Variants in CNTN4 observed in about 807,000 individuals in gnomAD.
CNTN4 encodes contactin 4.
CNTN4 carries 77 observed loss-of-function variants against 122.5 expected under a neutral mutation model. That is an observed-to-expected ratio of 0.63 (90% CI 0.52 to 0.76). The LOEUF is 0.76. Ranked by LOEUF, CNTN4 falls within the 30% of genes least tolerant of loss-of-function variation. The probability of loss-of-function intolerance (pLI) is 0.00; values close to 1 mark genes in which losing one functional copy is unlikely to be tolerated. For synonymous variants in CNTN4, 512 were observed against 447.0 expected, an observed-to-expected ratio of 1.15 and a Z score of -1.83; for missense variants, 1,256 against 1,259.1, an observed-to-expected ratio of 1.00 and a Z score of 0.04.
chr3:2,220,426 T>C (rs1481664554), intron 2 of CNTN4, among the ~76,000 whole-genome samples: 2 of 152,150 alleles, frequency 1.3e-5, no homozygotes, highest in Non-Finnish European at 2.9e-5. Context: ...GTACATTAAA[T>C]GAGTAAGTTT....
At chr3:2,969,135 C>G (rs1354063533) in intron 13 of CNTN4, among the ~76,000 whole-genome samples, 2 of 152,138 alleles carry the variant, frequency 1.3e-5, no homozygotes, top group African/African-American at 4.8e-5. Flanking sequence ...CTGAAAATTT[C>G]AGGGTTTGCT....
At position 3,057,610 on chromosome 3, in the gene CNTN4, A is replaced by G. The variant is rs968074620; in HGVS notation, c.*1390A>G. On this transcript the variant is annotated 3_prime_UTR_variant, in exon 25 of 25. Transcript: ENST00000418658. The stretch of plus-strand genomic sequence containing the variant: ...CTTTCTCAGAGAACTCAAATTTGCT[A>G]TAGTTTGTCATTTTTGCTTACAAAT... 1.3e-5 allele frequency: 2 copies of G among 152,608 alleles called. No homozygotes were observed. The highest frequency in any genetic ancestry group is 4.8e-5 in the African/African-American group (2 of 41,454). The allele number at this position is 152,608 out of a possible 1,614,324, so 9.5% of individuals were successfully genotyped here. A position where few individuals can be genotyped will look rare whatever the true frequency, so the allele number is the denominator to read the frequency against.
At chr3:2,122,150 A>G (rs573637538) in intron 2 of CNTN4, among the ~76,000 whole-genome samples, 61 of 123,356 alleles carry the variant, frequency 4.9e-4, no homozygotes, top group African/African-American at 1.2e-3. Context: ...GCGACACTCC[A>G]TCTCAAAAAA....
chr3:2,222,515 A>G (rs562198195), intron 2 of CNTN4, among the ~76,000 whole-genome samples: 5 of 151,868 alleles, frequency 3.3e-5, no homozygotes, highest in Admixed American at 6.6e-5. Flanking sequence ...AAACCATTGA[A>G]TCATATACTT....
chr3:2,706,142 G>T (rs1378762284), intron 4 of CNTN4, among the ~76,000 whole-genome samples: 1 of 150,820 alleles, frequency 6.6e-6, no homozygotes, highest in Non-Finnish European at 1.5e-5. Context: ...ATAGCCAAAT[G>T]ACTACAGAAA....
chr3:2,646,309 T>G (rs928520142), intron 4 of CNTN4, among the ~76,000 whole-genome samples: 2 of 152,212 alleles, frequency 1.3e-5, no homozygotes, highest in Non-Finnish European at 2.9e-5. Flanking sequence ...TTTTATTAAG[T>G]TCAGTGAATG....
intron 3 of CNTN4, among the ~76,000 whole-genome samples, chr3:2,447,952 A>T (rs1249336240): frequency 6.6e-6 from 1 of 152,178 alleles, no homozygotes; most frequent in Non-Finnish European, 1.5e-5. Context: ...TTCAATTCAT[A>T]AAAAAGATAG....
intron 3 of CNTN4, among the ~76,000 whole-genome samples, chr3:2,502,323 C>T (rs550119304): frequency 6.6e-6 from 1 of 152,198 alleles, no homozygotes; most frequent in Admixed American, 6.5e-5. Context: ...CTCTAGTATC[C>T]CAGTTTTAAA....
intron 4 of CNTN4, among the ~76,000 whole-genome samples, chr3:2,624,990 T>A (rs542789760): frequency 1.3e-5 from 2 of 152,156 alleles, no homozygotes; most frequent in Non-Finnish European, 2.9e-5. Flanking sequence ...AGATATATTA[T>A]TTTATCTCCC....
chr3:2,764,455 G>C (rs1026007765), intron 6 of CNTN4, among the ~76,000 whole-genome samples: 8 of 152,172 alleles, frequency 5.3e-5, no homozygotes, highest in African/African-American at 1.9e-4. Flanking sequence ...CAAGGGATTC[G>C]AAGAAGACCT....
chr3:2,531,294 A>G (rs1334576615), intron 3 of CNTN4, among the ~76,000 whole-genome samples: 1 of 152,130 alleles, frequency 6.6e-6, no homozygotes, highest in Non-Finnish European at 1.5e-5. Flanking sequence ...ATCAAGGGAA[A>G]GGAAGGAGCT....
chr3:2,860,947 G>A (rs1397127139), intron 7 of CNTN4, among the ~76,000 whole-genome samples: 3 of 152,006 alleles, frequency 2.0e-5, no homozygotes, highest in Non-Finnish European at 4.4e-5. Flanking sequence ...ACTTTCTCAG[G>A]GAAATTTTTG....
At chr3:2,124,865 G>A (rs2034039442) in intron 2 of CNTN4, among the ~76,000 whole-genome samples, 1 of 152,188 alleles carries the variant, frequency 6.6e-6, no homozygotes. Flanking sequence ...TTTAATATAT[G>A]CAAAGATGCA....
chr3:2,428,181 A>G (rs902501243), intron 3 of CNTN4, among the ~76,000 whole-genome samples: 6 of 152,092 alleles, frequency 3.9e-5, no homozygotes, highest in Non-Finnish European at 8.8e-5. Context: ...GGTCTTTACA[A>G]TTTGGCATGT....
At chr3:3,037,562 G>A (rs147803530) in intron 18 of CNTN4, 198 of 548,880 alleles carry the variant, frequency 3.6e-4, no homozygotes, top group Non-Finnish European at 5.9e-4. Flanking sequence ...AGAGACACAC[G>A]GTGCTTAGTC....
intron 1 of CNTN4, among the ~76,000 whole-genome samples, chr3:2,100,165 G>T (rs1002617973): frequency 1.3e-5 from 2 of 152,188 alleles, no homozygotes; most frequent in Non-Finnish European, 2.9e-5. Flanking sequence ...GGATCTTGAG[G>T]TGTGTTGGAG....
At chr3:2,550,584 G>A (rs1401055875) in intron 3 of CNTN4, among the ~76,000 whole-genome samples, 1 of 152,116 alleles carries the variant, frequency 6.6e-6, no homozygotes, top group African/African-American at 2.4e-5. Flanking sequence ...ATTTGACCCA[G>A]CAACCCCATT....
At chr3:2,389,708 A>G (rs975637347) in intron 3 of CNTN4, among the ~76,000 whole-genome samples, 1 of 152,180 alleles carries the variant, frequency 6.6e-6, no homozygotes, top group African/African-American at 2.4e-5. Context: ...AAGAACAGGA[A>G]CTTTACAGTG....
intron 2 of CNTN4, among the ~76,000 whole-genome samples, chr3:2,147,806 A>G (rs1456838522): frequency 1.3e-5 from 2 of 152,164 alleles, no homozygotes; most frequent in South Asian, 2.1e-4. Context: ...TGATCAGACA[A>G]GATGGCCTGT....
Sources: allele counts gnomAD v4.1 joint callset (sites outside exome capture counted in the v4.1 genomes callset), GRCh38; gene constraint gnomAD v4.1.1; transcripts MANE v1.5; gene names NCBI Gene and HGNC (gene_info 2026-07-23, HGNC 2026-07-21).